Variants in OPCML observed in about 807,000 individuals in gnomAD.
OPCML encodes the protein opioid binding protein/cell adhesion molecule like, also known as opioid-binding protein/cell adhesion molecule.
Under a neutral mutation model 37.8 loss-of-function variants are expected in OPCML, and 13 were observed. The observed-to-expected ratio is 0.34, with a 90% confidence interval of 0.22 to 0.55. OPCML has a LOEUF of 0.55. Ranked by LOEUF, OPCML falls within the 20% of genes least tolerant of loss-of-function variation. OPCML has a pLI of 0.91. For synonymous variants in OPCML, 176 were observed against 168.8 expected (o/e 1.04, Z -0.33); for missense variants, 341 against 435.6 (o/e 0.78, Z 1.93).
At chr11:133,301,289 T>C (rs901525066) in intron 1 of OPCML, 15 of 152,216 alleles carry the variant, frequency 9.9e-5, no homozygotes, top group African/African-American at 3.4e-4. Context: ...TATATAGTTT[T>C]TGAAGTACAG....
intron 1 of OPCML, among the ~76,000 whole-genome samples, chr11:133,119,933 G>A (rs1949395628): frequency 6.6e-6 from 1 of 152,146 alleles, no homozygotes; most frequent in Non-Finnish European, 1.5e-5. Flanking sequence ...TGGGGCAGAT[G>A]CAGGCTCTTC....
intron 3 of OPCML, among the ~76,000 whole-genome samples, chr11:132,628,080 T>C (rs1348228742): frequency 1.3e-5 from 2 of 152,026 alleles, no homozygotes; most frequent in African/African-American, 4.8e-5. Context: ...GAAAAAGCAG[T>C]GTTTAAAGAT....
At chr11:132,773,359 CA>C (rs1312919251) in intron 2 of OPCML, 1 of 152,140 alleles carries the variant, frequency 6.6e-6, no homozygotes, top group Non-Finnish European at 1.5e-5. Context: ...TGCCCTCCCC[CA>C]CTCCCCCTTT....
chr11:132,911,754 T>C (rs753622620), intron 2 of OPCML, among the ~76,000 whole-genome samples: 1 of 152,188 alleles, frequency 6.6e-6, no homozygotes, highest in Non-Finnish European at 1.5e-5. Context: ...GTGTGCCCCT[T>C]TCTCCATTTA....
chr11:133,263,408 A>G (rs1035075580), intron 1 of OPCML, among the ~76,000 whole-genome samples: 6 of 152,182 alleles, frequency 3.9e-5, no homozygotes, highest in Non-Finnish European at 5.9e-5. Flanking sequence ...ACAGTGTTCA[A>G]TACAGTCACT....
chr11:133,162,165 A>G (rs1377761067), intron 1 of OPCML, among the ~76,000 whole-genome samples: 1 of 152,054 alleles, frequency 6.6e-6, no homozygotes, highest in Non-Finnish European at 1.5e-5. Flanking sequence ...GGGAAAGTGC[A>G]TGCAAATTGT....
At position 132,994,490 on chromosome 11, in the gene OPCML, A is replaced by G. The variant is rs557459294; in HGVS notation, c.62-51480T>C. Among the ~76,000 whole-genome samples, 6 of 152,180 alleles carry G rather than the reference A, an allele frequency of 3.9e-5. No homozygotes were observed. In the East Asian group the frequency reaches 1.2e-3, roughly 30 times the overall value. On this transcript the variant is annotated intron_variant, in intron 1 of 7. Coordinates refer to ENST00000524381, the MANE Select transcript of OPCML (RefSeq NM_001012393.5). The stretch of plus-strand genomic sequence containing the variant: ...GGGTACCAGGGCTGCCTGGAAAGGA[A>G]CTTCCAGCGACCAGGCACAAATAAC...
chr11:132,525,503 T>C (rs907815744), intron 4 of OPCML, among the ~76,000 whole-genome samples: 3 of 152,238 alleles, frequency 2.0e-5, no homozygotes, highest in Non-Finnish European at 4.4e-5. Flanking sequence ...TATTTCTTAT[T>C]CTTCCATGTT....
At chr11:133,467,134 G>T (rs1433934931) in intron 1 of OPCML, among the ~76,000 whole-genome samples, 1 of 152,198 alleles carries the variant, frequency 6.6e-6, no homozygotes, top group Admixed American at 6.5e-5. Flanking sequence ...CATTCAAGGG[G>T]CATTCCCAGT....
chr11:133,458,251 TATATACACGTGTGTGTATATATACACAC>T (rs1946730728), intron 1 of OPCML, among the ~76,000 whole-genome samples: 15 of 91,626 alleles, frequency 1.6e-4, no homozygotes, highest in South Asian at 9.5e-4. Flanking sequence ...TATACACATA[TATATACACGTGTGTGTATATATACACAC>T]ATATATACAC....
intron 1 of OPCML, among the ~76,000 whole-genome samples, chr11:133,055,965 A>G (rs1223460458): frequency 7.1e-6 from 1 of 140,382 alleles, no homozygotes; most frequent in Non-Finnish European, 1.6e-5. Context: ...TGAGGGAGCC[A>G]CCTCTACCAT....
At chr11:132,813,068 T>C (rs1359464240) in intron 2 of OPCML, among the ~76,000 whole-genome samples, 2 of 152,240 alleles carry the variant, frequency 1.3e-5, no homozygotes, top group Non-Finnish European at 2.9e-5. Flanking sequence ...CAATAAAATA[T>C]TCCCTTTTGA....
chr11:132,680,011 T>G (rs1040289690), intron 2 of OPCML, among the ~76,000 whole-genome samples: 4 of 152,196 alleles, frequency 2.6e-5, no homozygotes, highest in African/African-American at 9.6e-5. Context: ...TTCTTCAATT[T>G]TTTTTCTTTT....
At chr11:133,250,256 G>A (rs1941082433) in intron 1 of OPCML, among the ~76,000 whole-genome samples, 1 of 152,146 alleles carries the variant, frequency 6.6e-6, no homozygotes, top group South Asian at 2.1e-4. Flanking sequence ...AATTAGAAAT[G>A]TTACTTGAGG....
chr11:132,438,695 T>C (rs1331783734), intron 4 of OPCML, among the ~76,000 whole-genome samples: 2 of 151,180 alleles, frequency 1.3e-5, no homozygotes, highest in African/African-American at 4.9e-5. Flanking sequence ...GGTGGGCCAG[T>C]GTGCAGGGTG....
chr11:133,082,793 G>A (rs540086790), intron 1 of OPCML, among the ~76,000 whole-genome samples: 71 of 148,080 alleles, frequency 4.8e-4, no homozygotes, highest in South Asian at 3.0e-3. Flanking sequence ...CGGCGCCTGG[G>A]CCTCCTCGCG....
intron 1 of OPCML, among the ~76,000 whole-genome samples, chr11:133,504,078 C>T (rs77089749): frequency 0.017 from 2,562 of 152,274 alleles, 39 homozygotes; most frequent in Non-Finnish European, 0.027. Flanking sequence ...CAGCACTCTG[C>T]GGAGACTTGC....
chr11:133,180,962 C>G (rs1159178959), intron 1 of OPCML, among the ~76,000 whole-genome samples: 4 of 151,838 alleles, frequency 2.6e-5, no homozygotes, highest in Non-Finnish European at 4.4e-5. Context: ...AAACGGGAAA[C>G]ACCCCAGGTG....
intron 1 of OPCML, among the ~76,000 whole-genome samples, chr11:133,502,347 G>A (rs914449020): frequency 6.6e-6 from 1 of 152,216 alleles, no homozygotes. Context: ...CAGGGTGGCT[G>A]GCCAGTGGCC....
Sources: allele counts gnomAD v4.1 joint callset (sites outside exome capture counted in the v4.1 genomes callset), GRCh38; gene constraint gnomAD v4.1.1; transcripts MANE v1.5; gene names NCBI Gene and HGNC (gene_info 2026-07-23, HGNC 2026-07-21).